The following FREM3 variants were observed in gnomAD, a reference collection of about 807,000 sequenced individuals.
FREM3 encodes the protein FRAS1-related extracellular matrix protein 3.
FREM3 carries 105 observed loss-of-function variants against 129.1 expected under a neutral mutation model. The ratio of observed to expected loss-of-function variants is 0.81; its 90% CI spans 0.69 to 0.96. The LOEUF (loss-of-function observed/expected upper bound fraction) is 0.96, where lower values mean the gene tolerates loss of function less well. Among genes scored for constraint, FREM3 ranks in the 40% least tolerant of loss-of-function variants. FREM3 has a pLI of 0.00. For missense variants in FREM3, 2,593 were observed against 2,666.3 expected (o/e 0.97, Z 0.61); for synonymous variants, 1,014 against 1,044.9 (o/e 0.97, Z 0.57).
intron 2 of FREM3, among the ~76,000 whole-genome samples, chr4:143,644,220 C>T (rs1489361949): frequency 5.3e-5 from 8 of 151,810 alleles, no homozygotes. Context: ...CATTTGCACA[C>T]GTGTTTCTTT....
intron 2 of FREM3, among the ~76,000 whole-genome samples, chr4:143,648,986 A>G (rs1250677907): frequency 2.6e-5 from 4 of 151,852 alleles, no homozygotes; most frequent in Non-Finnish European, 5.9e-5. Context: ...CTGGTCTCAA[A>G]CTCCTGGCCT....
At chr4:143,685,822 G>A (rs1225755698) in intron 2 of FREM3, among the ~76,000 whole-genome samples, 2 of 151,968 alleles carry the variant, frequency 1.3e-5, no homozygotes, top group African/African-American at 2.4e-5. Context: ...AGAACACATG[G>A]ACACAGCTGT....
chr4:143,653,952 T>C (rs183439188), intron 2 of FREM3, among the ~76,000 whole-genome samples: 8 of 152,330 alleles, frequency 5.3e-5, no homozygotes, highest in Admixed American at 5.2e-4. Flanking sequence ...AAAAAGTTTT[T>C]TAAATTAAGT....
intron 6 of FREM3, among the ~76,000 whole-genome samples, chr4:143,595,218 A>G (rs189815401): frequency 6.6e-6 from 1 of 152,250 alleles, no homozygotes; most frequent in African/African-American, 2.4e-5. Context: ...ATAGGAAAAT[A>G]TTTTTCCAGT....
intron 6 of FREM3, among the ~76,000 whole-genome samples, chr4:143,605,411 C>G (rs1359899850): frequency 6.6e-6 from 1 of 152,136 alleles, no homozygotes; most frequent in Non-Finnish European, 1.5e-5. Flanking sequence ...TTTAGCTCAT[C>G]TTACTAACTT....
chr4:143,597,948 TG>T (rs764959280), intron 6 of FREM3, among the ~76,000 whole-genome samples: 29 of 152,194 alleles, frequency 1.9e-4, no homozygotes, highest in Non-Finnish European at 2.6e-4. Context: ...CATCTGGTAA[TG>T]GTCCACCTTC....
rs768469006 is a variant in FREM3 at position 143,696,534 on chromosome 4, T to C, written c.4142A>G (p.Asn1381Ser). The change falls in exon 1 of 8, where the codon AAC becomes AGC. Residue 1381 changes from asparagine to serine, a missense_variant. By Grantham distance (46) the Asn-to-Ser change is conservative (BLOSUM62 1). Transcript: ENST00000329798. ...LGMNFTQDEINRGLICYIHTG... is the reference protein window; with the variant it reads ...LGMNFTQDEISRGLICYIHTG... ...GTGGATATAGCAGATGAGGCCTCTGTTAATCTCATCCTGGGTAAAGTTCAT... is the reference window on the plus strand; with the variant it reads ...GTGGATATAGCAGATGAGGCCTCTGCTAATCTCATCCTGGGTAAAGTTCAT... 26 of 1,537,366 alleles carry C rather than the reference T, an allele frequency of 1.7e-5. 1 individual carries two copies. The South Asian group carries it at 3.0e-4, about 18-fold the overall frequency.
chr4:143,662,550 G>A (rs1277170542), intron 2 of FREM3, among the ~76,000 whole-genome samples: 3 of 147,108 alleles, frequency 2.0e-5, no homozygotes, highest in South Asian at 4.4e-4. Context: ...GGAAAAAAAT[G>A]TATATTCTGT....
At chr4:143,607,382 T>C (rs1738685858) in intron 6 of FREM3, among the ~76,000 whole-genome samples, 1 of 152,292 alleles carries the variant, frequency 6.6e-6, no homozygotes, top group Non-Finnish European at 1.5e-5. Context: ...ACTTTTTTTC[T>C]TGAGCTCCTC....
chr4:143,685,859 G>T lies in FREM3; in HGVS notation c.5275+7254C>A, dbSNP rs190983301. Among the ~76,000 whole-genome samples, 569 of 152,096 alleles carry T rather than the reference G, an allele frequency of 3.7e-3. 2 individuals are homozygous for T. The highest frequency in any genetic ancestry group is 0.01 in the Middle Eastern group (3 of 294). On this transcript the variant is annotated intron_variant, in intron 2 of 7. Transcript: ENST00000329798. ...GGGGGCACATCACACAACAGGGCCT[G>T]TCAGGGGGTGGGGGCCTGGAGGAGG... is the stretch of plus-strand genomic sequence containing the variant.
At chr4:143,648,221 TC>T (rs1268612241) in intron 2 of FREM3, among the ~76,000 whole-genome samples, 1 of 152,232 alleles carries the variant, frequency 6.6e-6, no homozygotes, top group Non-Finnish European at 1.5e-5. Flanking sequence ...ATGCCTGTAC[TC>T]CCATTGTATC....
At chr4:143,594,661 G>A (rs2132934) in intron 6 of FREM3, among the ~76,000 whole-genome samples, 150,507 of 152,352 alleles carry the variant, frequency 0.99, 74,364 homozygotes, top group Middle Eastern at 1. Context: ...TGGATCAGTT[G>A]TACTGTTGTT....
intron 2 of FREM3, among the ~76,000 whole-genome samples, chr4:143,653,104 G>C (rs1360014693): frequency 2.0e-5 from 3 of 152,184 alleles, no homozygotes; most frequent in Non-Finnish European, 4.4e-5. Context: ...ATAATTATTA[G>C]AGAGTGGTTC....
intron 6 of FREM3, among the ~76,000 whole-genome samples, chr4:143,593,446 T>C (rs1016814550): frequency 6.6e-6 from 1 of 152,244 alleles, no homozygotes; most frequent in Non-Finnish European, 1.5e-5. Context: ...TTAGTTTTCC[T>C]TCTAACAGTC....
chr4:143,648,509 A>C (rs1008718180), intron 2 of FREM3, among the ~76,000 whole-genome samples: 1 of 152,166 alleles, frequency 6.6e-6, no homozygotes, highest in Non-Finnish European at 1.5e-5. Flanking sequence ...GAGATAAGTG[A>C]ATCATGGGGG....
Position 143,627,679 on chromosome 4 carries a change from TCATC to T in FREM3, c.5353_5356del (p.Asp1785LysfsTer6). The T allele has an allele frequency of 6.5e-7, 1 of 1,529,460 alleles. No homozygotes were observed. Among genetic ancestry groups the T allele is most frequent in the Non-Finnish European group, 8.8e-7 (1 of 1,139,806 alleles). 94.7% of individuals were successfully genotyped at this position (1,529,460 alleles called of 1,614,324 possible). On this transcript the variant is annotated frameshift_variant, in exon 3 of 8. Coordinates refer to ENST00000329798, the MANE Select transcript of FREM3 (RefSeq NM_001168235.2). LOFTEE classifies it high-confidence loss of function. ...GGTCACTTCTAAGAATGTGGAATCTTCATCCACAATGTAGTACTCTTTCTCCAAA... is the reference window on the plus strand; with the variant it reads ...GGTCACTTCTAAGAATGTGGAATCTTCACAATGTAGTACTCTTTCTCCAAA...
chr4:143,592,817 A>C (rs1738390860), intron 6 of FREM3, among the ~76,000 whole-genome samples: 1 of 152,190 alleles, frequency 6.6e-6, no homozygotes, highest in South Asian at 2.1e-4. Flanking sequence ...TCTCCTGGAT[A>C]ATATCCTGCA....
At chr4:143,682,038 G>A (rs1350682719) in intron 2 of FREM3, among the ~76,000 whole-genome samples, 1 of 152,148 alleles carries the variant, frequency 6.6e-6, no homozygotes, top group Non-Finnish European at 1.5e-5. Context: ...AAGGGTTTAA[G>A]GCAGTATCCC....
chr4:143,679,422 C>T (rs1740210967), intron 2 of FREM3, among the ~76,000 whole-genome samples: 1 of 152,120 alleles, frequency 6.6e-6, no homozygotes, highest in Non-Finnish European at 1.5e-5. Context: ...AGTTGAACTC[C>T]AGGCCTGGCT....
Sources: gnomAD v4.1 joint callset for allele counts (sites outside exome capture counted in the v4.1 genomes callset) on GRCh38, gnomAD v4.1.1 for gene constraint, MANE v1.5 for transcripts, NCBI Gene and HGNC (gene_info 2026-07-23, HGNC 2026-07-21) for gene names.